ZNF782: variants seen among roughly 807,000 people sequenced by gnomAD.
The protein encoded by ZNF782 is zinc finger protein 782.
A neutral mutation model predicts 13.0 loss-of-function variants in ZNF782; 12 were observed. The ratio of observed to expected loss-of-function variants is 0.92; its 90% CI spans 0.59 to 1.50. The LOEUF (loss-of-function observed/expected upper bound fraction) is 1.50. Among genes scored for constraint, ZNF782 ranks in the 40% most tolerant of loss-of-function variants. The pLI is 0.00. For missense variants in ZNF782, 770 were observed against 822.9 expected (o/e 0.94, Z 0.79); for synonymous variants, 284 against 283.0 (o/e 1.00, Z -0.04).
the ZNF782 span, among the ~76,000 whole-genome samples, chr9:96,898,545 T>C: frequency 6.7e-6 from 1 of 149,164 alleles, no homozygotes; most frequent in African/African-American, 2.5e-5. Flanking sequence ...ATTTTAACCA[T>C]TTCCTTTTTT....
intron 5 of ZNF782, among the ~76,000 whole-genome samples, chr9:96,822,008 T>C (rs899550207): frequency 4.6e-5 from 7 of 152,216 alleles, no homozygotes; most frequent in African/African-American, 1.7e-4. Flanking sequence ...TTTATTCAGC[T>C]TTGTTCTCCT....
chr9:96,888,337 C>T, the ZNF782 span: 27 of 152,030 alleles, frequency 1.8e-4, no homozygotes, highest in Admixed American at 1.8e-3. Context: ...AATTAATTTA[C>T]TATGAAGACA....
At chr9:96,856,772 G>C (rs1851648048), upstream of ZNF782, among the ~76,000 whole-genome samples, 1 of 152,236 alleles carries the variant, frequency 6.6e-6, no homozygotes, top group South Asian at 2.1e-4. Context: ...GGGATACATA[G>C]ACTGGCAGCT....
chr9:96,859,356 C>T (rs1851678688), upstream of ZNF782, among the ~76,000 whole-genome samples: 1 of 152,104 alleles, frequency 6.6e-6, no homozygotes, highest in Non-Finnish European at 1.5e-5. Context: ...GCTCGCAGCT[C>T]TGACAGAGAC....
chr9:96,901,704 C>T, the ZNF782 span, among the ~76,000 whole-genome samples: 1 of 151,184 alleles, frequency 6.6e-6, no homozygotes, highest in African/African-American at 2.4e-5. Context: ...GAAACATCGT[C>T]TCTACTAAAA....
Position 96,844,979 on chromosome 9 carries a change from C to A in ZNF782, c.53G>T (p.Ser18Ile), listed in dbSNP as rs745791130. 1.5e-5 allele frequency: 24 copies of A among 1,614,026 alleles called. No homozygotes were observed. Among genetic ancestry groups the A allele is most frequent in the Non-Finnish European group, 1.9e-5 (23 of 1,179,956 alleles). ...VSFQDVTVEF[S>I]QEEWQHMGPV... ...GCCCATGTGCTGCCACTCCTCCTGG[C>A]TGAATTCCACAGTCACGTCCTGGAA... The change falls in exon 4 of 6, where the codon AGC (serine) becomes ATC (isoleucine). Residue 18 changes from serine (S) to isoleucine (I), a missense_variant. Coordinates refer to ENST00000481138, the MANE Select transcript of ZNF782 (RefSeq NM_001001662.3).
At chr9:96,838,262 A>G (rs1293893604) in intron 4 of ZNF782, among the ~76,000 whole-genome samples, 1 of 152,074 alleles carries the variant, frequency 6.6e-6, no homozygotes, top group African/African-American at 2.4e-5. Context: ...GTACTTTTTC[A>G]TTTGTTAAAG....
At position 96,817,978 on chromosome 9, in the gene ZNF782, G is replaced by T; in HGVS notation, c.2045C>A (p.Thr682Asn). The change falls in exon 6 of 6, where the codon ACT becomes AAT. Residue 682 changes from threonine (T) to asparagine (N), a missense_variant. By Grantham distance (65) the Thr-to-Asn change is moderately conservative. Coordinates refer to ENST00000481138, the MANE Select transcript of ZNF782 (RefSeq NM_001001662.3). ...KPYKCDKCGR[T>N]FSQKSSLREH... is the part of the protein sequence containing the mutation. ...TCTAAGGCTTGATTTTTGACTGAAA[G>T]TTCTCCCACATTTATCACATTTATA... 1 of 1,606,050 alleles carries T rather than the reference G, an allele frequency of 6.2e-7. No homozygotes were observed. Among genetic ancestry groups the T allele is most frequent in the Non-Finnish European group, 8.5e-7 (1 of 1,176,894 alleles).
At chr9:96,821,753 G>C (rs190314765) in intron 5 of ZNF782, among the ~76,000 whole-genome samples, 52 of 150,596 alleles carry the variant, frequency 3.5e-4, no homozygotes, top group Admixed American at 8.6e-4. Context: ...CTCACTGCAA[G>C]CTTCACCTCC....
intron 5 of ZNF782, among the ~76,000 whole-genome samples, chr9:96,820,342 C>A (rs1588146212): frequency 6.6e-6 from 1 of 152,194 alleles, no homozygotes; most frequent in East Asian, 1.9e-4. Context: ...ATAATGACAC[C>A]AATTTCCTCA....
chr9:96,931,020 G>A, the ZNF782 span, among the ~76,000 whole-genome samples: 8 of 151,256 alleles, frequency 5.3e-5, no homozygotes, highest in Non-Finnish European at 8.8e-5. Flanking sequence ...TCAGCCTCCT[G>A]AGTAGCTGCG....
chr9:96,847,172 T>C (rs970822389), intron 3 of ZNF782, among the ~76,000 whole-genome samples: 4 of 152,258 alleles, frequency 2.6e-5, no homozygotes, highest in East Asian at 1.9e-4. Flanking sequence ...CTCTGGGATA[T>C]AGCAAAGCAG....
intron 3 of ZNF782, among the ~76,000 whole-genome samples, chr9:96,851,559 A>T (rs1033236690): frequency 4.6e-5 from 7 of 152,238 alleles, no homozygotes; most frequent in African/African-American, 1.4e-4. Context: ...TTATTACCAT[A>T]AAGTGCTAGG....
the ZNF782 span, among the ~76,000 whole-genome samples, chr9:96,925,623 T>C: frequency 4.8e-5 from 6 of 123,886 alleles, no homozygotes; most frequent in African/African-American, 7.4e-5. Flanking sequence ...AGCAAGACTC[T>C]ATCTCAAAAA....
At chr9:96,911,840 C>A in the ZNF782 span, among the ~76,000 whole-genome samples, 1 of 152,038 alleles carries the variant, frequency 6.6e-6, no homozygotes. Flanking sequence ...ATCTTATTCC[C>A]ACCATTGCAG....
At chr9:96,885,287 A>C in the ZNF782 span, among the ~76,000 whole-genome samples, 22 of 152,174 alleles carry the variant, frequency 1.4e-4, no homozygotes, top group African/African-American at 4.8e-4. Context: ...TCACCAAAGA[A>C]ACAAAAATTA....
upstream of ZNF782, among the ~76,000 whole-genome samples, chr9:96,855,916 C>T (rs961757117): frequency 6.6e-6 from 1 of 152,182 alleles, no homozygotes; most frequent in East Asian, 1.9e-4. Context: ...ATGCCAGCAT[C>T]AACTATTTTT....
At chr9:96,920,151 G>C in the ZNF782 span, among the ~76,000 whole-genome samples, 2 of 150,010 alleles carry the variant, frequency 1.3e-5, no homozygotes, top group African/African-American at 4.9e-5. Context: ...TTGTATTTTA[G>C]TACAGTGGTG....
the ZNF782 span, among the ~76,000 whole-genome samples, chr9:96,880,995 G>A: frequency 6.6e-6 from 1 of 151,960 alleles, no homozygotes; most frequent in Non-Finnish European, 1.5e-5. Flanking sequence ...TTTATAGTTG[G>A]TGAGTCTTCT....
Sources: gnomAD v4.1 joint callset for allele counts (sites outside exome capture counted in the v4.1 genomes callset) on GRCh38, gnomAD v4.1.1 for gene constraint, MANE v1.5 for transcripts, NCBI Gene and HGNC (gene_info 2026-07-23, HGNC 2026-07-21) for gene names.